The following CREB5 variants were observed in gnomAD, a reference collection of about 807,000 sequenced individuals.
The protein encoded by CREB5 is cyclic AMP-responsive element-binding protein 5.
Under a neutral mutation model 57.1 loss-of-function variants are expected in CREB5, and 19 were observed. The observed-to-expected ratio is 0.33, with a 90% CI of 0.23 to 0.49. The LOEUF is 0.49. Ranked by LOEUF, CREB5 falls within the 20% of genes least tolerant of loss-of-function variation. The pLI, the probability that CREB5 is intolerant of heterozygous loss-of-function variation, is 0.99. For synonymous variants in CREB5, 238 were observed against 238.3 expected, an observed-to-expected ratio of 1.00 and a Z score of 0.01; for missense variants, 579 against 671.6, an observed-to-expected ratio of 0.86 and a Z score of 1.52.
chr7:28,819,210 C>T lies in CREB5; in HGVS notation c.1458C>T (p.Ser486=), dbSNP rs770965206. 8 of 1,613,736 alleles carry T rather than the reference C, an allele frequency of 5.0e-6. No homozygotes were observed. The highest frequency in any genetic ancestry group is 2.2e-5 in the East Asian group (1 of 44,878). The change falls in exon 11 of 11, where the codon AGC becomes AGT. Residue 486 remains serine (S), a synonymous_variant. Coordinates refer to ENST00000357727, the MANE Select transcript of CREB5 (RefSeq NM_182898.4). ...HNTITTSSSV[S]EVVGSSTLSQ... ...CCATCACTACTTCCTCATCGGTCAG[C>T]GAGGTGGTAGGAAGCTCCACCCTCA...
At chr7:28,696,438 C>T (rs1377099084) in intron 5 of CREB5, among the ~76,000 whole-genome samples, 1 of 152,122 alleles carries the variant, frequency 6.6e-6, no homozygotes, top group Non-Finnish European at 1.5e-5. Context: ...TTCTTCTGAG[C>T]TGTGTATTTA....
At chr7:28,709,519 T>G (rs1802296409) in intron 5 of CREB5, among the ~76,000 whole-genome samples, 1 of 152,154 alleles carries the variant, frequency 6.6e-6, no homozygotes, top group Non-Finnish European at 1.5e-5. Context: ...CTCCTATTAC[T>G]GCTCTCTGTG....
At chr7:28,694,236 AAC>A (rs761146084) in intron 5 of CREB5, among the ~76,000 whole-genome samples, 1 of 152,212 alleles carries the variant, frequency 6.6e-6, no homozygotes, top group Non-Finnish European at 1.5e-5. Context: ...TAATCATAAT[AAC>A]AGCAATTATA....
intron 1 of CREB5, among the ~76,000 whole-genome samples, chr7:28,448,495 T>A (rs1273684190): frequency 6.6e-6 from 1 of 152,222 alleles, no homozygotes; most frequent in African/African-American, 2.4e-5. Flanking sequence ...TCCTTGTTTT[T>A]CTTCTGGGCC....
chr7:28,489,064 C>T (rs1447147429), intron 2 of CREB5, among the ~76,000 whole-genome samples: 1 of 152,204 alleles, frequency 6.6e-6, no homozygotes, highest in East Asian at 1.9e-4. Context: ...GGTGTCTCCA[C>T]ATTCTAGTCA....
Position 28,491,149 on chromosome 7 carries a change from G to A in CREB5, c.75+2903G>A, listed in dbSNP as rs549748699. 19 of 931,278 alleles carry A rather than the reference G, an allele frequency of 2.0e-5. No individual in the cohort carries two copies. The East Asian group carries it at 2.0e-3, about 97-fold the overall frequency. The allele number at this position is 931,278 out of a possible 1,614,324, so 57.7% of individuals were successfully genotyped here. On this transcript the variant is annotated intron_variant, in intron 2 of 10. Coordinates refer to ENST00000357727, the MANE Select transcript of CREB5 (RefSeq NM_182898.4). ...AGAACTCTTTCAAGAGCACTAGGCA[G>A]TGACGGGAAGCGGAGTGATATAACG...
At chr7:28,763,807 A>AT (rs563568014) in intron 7 of CREB5, among the ~76,000 whole-genome samples, 2 of 113,434 alleles carry the variant, frequency 1.8e-5, no homozygotes, top group African/African-American at 2.9e-5. Context: ...TATTATTATT[A>AT]TTATTTTTTT....
Position 28,572,175 on chromosome 7 carries a change from A to G in CREB5, c.464+1638A>G, listed in dbSNP as rs1386389244. On this transcript the variant is annotated intron_variant, in intron 5 of 10. Transcript: ENST00000357727. ...GATACGTTAAGACCCACCTTAAGAA[A>G]TGAGAGTAATGGGTAATGGGTAATG... Among the ~76,000 whole-genome samples, 3 of 152,200 alleles carry G rather than the reference A, an allele frequency of 2.0e-5. No individual in the cohort carries two copies. In the East Asian group the frequency reaches 5.8e-4, roughly 29 times the overall value.
At chr7:28,794,846 CT>C (rs1418903701) in intron 7 of CREB5, among the ~76,000 whole-genome samples, 1 of 152,136 alleles carries the variant, frequency 6.6e-6, no homozygotes. Context: ...CTAATGAACA[CT>C]TTTTAGAAAT....
intron 2 of CREB5, 80 bp downstream of exon 2, chr7:28,488,326 C>A (rs1791662178): frequency 7.6e-7 from 1 of 1,312,812 alleles, no homozygotes; most frequent in Non-Finnish European, 1.1e-6. Context: ...GGCAATCATG[C>A]CTGCCCTGGG....
chr7:28,818,462 G>C (rs764800478), intron 10 of CREB5, among the ~76,000 whole-genome samples: 3 of 152,176 alleles, frequency 2.0e-5, no homozygotes, highest in Non-Finnish European at 2.9e-5. Flanking sequence ...CAGCCAGTAA[G>C]AAAAGAGCCA....
At chr7:28,406,227 G>T (rs978610849) in intron 1 of CREB5, among the ~76,000 whole-genome samples, 1 of 152,196 alleles carries the variant, frequency 6.6e-6, no homozygotes, top group African/African-American at 2.4e-5. Context: ...GGCTGTAAAT[G>T]TCTTAAAATA....
intron 5 of CREB5, among the ~76,000 whole-genome samples, chr7:28,697,102 G>GAATAATA (rs1180721404): frequency 2.6e-5 from 4 of 151,794 alleles, no homozygotes; most frequent in Non-Finnish European, 5.9e-5. Flanking sequence ...AATTTTTATG[G>GAATAATA]AATAATACTT....
At chr7:28,506,525 T>C (rs571813849) in intron 3 of CREB5, among the ~76,000 whole-genome samples, 9 of 152,350 alleles carry the variant, frequency 5.9e-5, no homozygotes, top group African/African-American at 2.2e-4. Flanking sequence ...GCCTTGGTTA[T>C]AATCCTGTTG....
chr7:28,492,374 ATCT>A (rs1195478755), intron 2 of CREB5, among the ~76,000 whole-genome samples: 1 of 152,138 alleles, frequency 6.6e-6, no homozygotes, highest in South Asian at 2.1e-4. Context: ...GCCCTTTGTA[ATCT>A]CACAGAGCTC....
chr7:28,715,210 A>T (rs1802615541), intron 5 of CREB5, among the ~76,000 whole-genome samples: 1 of 152,196 alleles, frequency 6.6e-6, no homozygotes, highest in Non-Finnish European at 1.5e-5. Context: ...AATCAATAAT[A>T]ACGTAGTTAT....
At chr7:28,700,841 A>G (rs1273422198) in intron 5 of CREB5, among the ~76,000 whole-genome samples, 1 of 152,122 alleles carries the variant, frequency 6.6e-6, no homozygotes, top group Non-Finnish European at 1.5e-5. Flanking sequence ...AGTTTCACAG[A>G]TAGAGTTACG....
chr7:28,602,888 CTG>C (rs1796978018), intron 5 of CREB5, among the ~76,000 whole-genome samples: 1 of 152,204 alleles, frequency 6.6e-6, no homozygotes, highest in South Asian at 2.1e-4. Flanking sequence ...TGAATAAACT[CTG>C]TGGATGGTAC....
intron 5 of CREB5, among the ~76,000 whole-genome samples, chr7:28,575,926 A>G (rs1710288043): frequency 6.6e-6 from 1 of 152,168 alleles, no homozygotes; most frequent in Admixed American, 6.5e-5. Context: ...CGAAACATAA[A>G]GTACTGATAC....
Sources: gnomAD v4.1 joint callset for allele counts (sites outside exome capture counted in the v4.1 genomes callset) on GRCh38, gnomAD v4.1.1 for gene constraint, MANE v1.5 for transcripts, NCBI Gene and HGNC (gene_info 2026-07-23, HGNC 2026-07-21) for gene names.